The following LDLRAD3 variants were observed in gnomAD, a reference collection of about 807,000 sequenced individuals.
LDLRAD3 encodes the protein low-density lipoprotein receptor class A domain-containing protein 3.
In LDLRAD3, 20 loss-of-function variants were observed where a neutral mutation model predicts 29.4. That is an observed-to-expected ratio of 0.68 (90% CI 0.48 to 0.99). The LOEUF is 0.99. Among genes scored for constraint, LDLRAD3 ranks in the 50% least tolerant of loss-of-function variants. The probability of loss-of-function intolerance (pLI) is 0.00; values close to 1 mark genes in which losing one functional copy is unlikely to be tolerated. For synonymous variants in LDLRAD3, 157 were observed against 192.7 expected, an observed-to-expected ratio of 0.81 and a Z score of 1.53; for missense variants, 420 against 454.3, an observed-to-expected ratio of 0.92 and a Z score of 0.69.
chr11:35,998,078 C>T (rs1401256163), intron 1 of LDLRAD3, among the ~76,000 whole-genome samples: 1 of 152,178 alleles, frequency 6.6e-6, no homozygotes, highest in Non-Finnish European at 1.5e-5. Context: ...GTGCTTGCAC[C>T]ACCTGTTAAC....
At chr11:36,208,209 C>T (rs998413683) in intron 4 of LDLRAD3, among the ~76,000 whole-genome samples, 4 of 152,272 alleles carry the variant, frequency 2.6e-5, no homozygotes, top group African/African-American at 4.8e-5. Flanking sequence ...AAGTGTTCCC[C>T]GTGGCCAAAG....
chr11:36,096,007 C>T (rs575574222), intron 3 of LDLRAD3, among the ~76,000 whole-genome samples: 5 of 152,240 alleles, frequency 3.3e-5, no homozygotes, highest in East Asian at 3.9e-4. Context: ...AGTCAGACCT[C>T]GGTTTCAGCT....
At chr11:36,191,564 C>T (rs1854945311) in intron 4 of LDLRAD3, among the ~76,000 whole-genome samples, 1 of 75,806 alleles carries the variant, frequency 1.3e-5, no homozygotes, top group Admixed American at 1.3e-4. Context: ...CTCTCTCTCT[C>T]TCTCTCTCTC....
chr11:36,081,893 T>G, intron 3 of LDLRAD3, 115 bp downstream of exon 3: 11 of 1,214,488 alleles, frequency 9.1e-6, no homozygotes, highest in African/African-American at 1.5e-5. Context: ...AGGCATTCTC[T>G]TCTGTTACCC....
At chr11:35,994,578 G>A (rs1030112140) in intron 1 of LDLRAD3, among the ~76,000 whole-genome samples, 3 of 152,064 alleles carry the variant, frequency 2.0e-5, no homozygotes, top group African/African-American at 7.2e-5. Flanking sequence ...AGGTTGGGGT[G>A]GCTGTGGCAT....
At chr11:36,168,989 A>C (rs1854556947) in intron 4 of LDLRAD3, among the ~76,000 whole-genome samples, 1 of 152,288 alleles carries the variant, frequency 6.6e-6, no homozygotes, top group South Asian at 2.1e-4. Context: ...GCAGAATGAC[A>C]TATGAGGAAT....
In LDLRAD3 at chr11:36,005,355, C is replaced by T. The variant is rs545369800; in HGVS notation, c.47-30748C>T. On this transcript the variant is annotated intron_variant, in intron 1 of 5. Transcript: ENST00000315571. Reference sequence around the variant, plus strand: ...CATCTCTGTCAAGTTCAAAGTTCCACAGATCTCTAGGGCAGGGGCAGAATG... The same window carrying T: ...CATCTCTGTCAAGTTCAAAGTTCCATAGATCTCTAGGGCAGGGGCAGAATG... Among the ~76,000 whole-genome samples, 6 of 152,356 alleles carry T rather than the reference C, an allele frequency of 3.9e-5. No homozygotes were observed. In the South Asian group the frequency reaches 1.0e-3, roughly 26 times the overall value.
At chr11:36,013,631 A>G (rs749215633) in intron 1 of LDLRAD3, among the ~76,000 whole-genome samples, 7 of 152,202 alleles carry the variant, frequency 4.6e-5, no homozygotes, top group South Asian at 2.1e-4. Context: ...TGCAAAGGAC[A>G]TGAACTCATT....
chr11:36,004,719 C>T (rs528199485), intron 1 of LDLRAD3, among the ~76,000 whole-genome samples: 1 of 152,336 alleles, frequency 6.6e-6, no homozygotes, highest in African/African-American at 2.4e-5. Flanking sequence ...GGGCTCTGCC[C>T]CTGCAGCAGA....
chr11:35,969,086 C>T (rs1315102992), intron 1 of LDLRAD3, among the ~76,000 whole-genome samples: 2 of 152,186 alleles, frequency 1.3e-5, no homozygotes, highest in East Asian at 3.9e-4. Context: ...GGCACTTCCC[C>T]CTCAGGACAC....
At chr11:36,090,198 A>C (rs1444367721) in intron 3 of LDLRAD3, among the ~76,000 whole-genome samples, 1 of 152,194 alleles carries the variant, frequency 6.6e-6, no homozygotes, top group Non-Finnish European at 1.5e-5. Context: ...AGATCATAAG[A>C]AGTTGAGAAT....
At chr11:35,999,927 C>T (rs1355460475) in intron 1 of LDLRAD3, among the ~76,000 whole-genome samples, 3 of 152,156 alleles carry the variant, frequency 2.0e-5, no homozygotes, top group African/African-American at 7.2e-5. Context: ...GAGACATTTA[C>T]AAGGATGCTC....
At chr11:35,974,609 A>C (rs1390866926) in intron 1 of LDLRAD3, among the ~76,000 whole-genome samples, 2 of 152,240 alleles carry the variant, frequency 1.3e-5, no homozygotes. Context: ...ATTTCCTTGC[A>C]GACAGCCAGA....
At chr11:36,224,237 C>T (rs567689539) in intron 4 of LDLRAD3, among the ~76,000 whole-genome samples, 3 of 151,944 alleles carry the variant, frequency 2.0e-5, no homozygotes, top group Non-Finnish European at 4.4e-5. Context: ...CAGGGAGACA[C>T]GGATACTGTT....
At chr11:35,972,221 C>T (rs146584622) in intron 1 of LDLRAD3, among the ~76,000 whole-genome samples, 1,548 of 151,986 alleles carry the variant, frequency 0.01, 12 homozygotes, top group Middle Eastern at 0.065. Context: ...AAGGCACCAC[C>T]GTAGGAGAAT....
At chr11:35,964,055 C>G (rs368902102) in intron 1 of LDLRAD3, among the ~76,000 whole-genome samples, 1 of 152,206 alleles carries the variant, frequency 6.6e-6, no homozygotes, top group African/African-American at 2.4e-5. Context: ...TCCAGGATGG[C>G]GTGGGCTGGG....
At chr11:36,212,483 G>A (rs548224577) in intron 4 of LDLRAD3, among the ~76,000 whole-genome samples, 1 of 151,396 alleles carries the variant, frequency 6.6e-6, no homozygotes, top group Non-Finnish European at 1.5e-5. Context: ...AGTTTTAGTG[G>A]CAATCTGAAT....
chr11:36,229,645 C>G lies in LDLRAD3; in HGVS notation c.*248C>G, dbSNP rs76103857. The stretch of plus-strand genomic sequence containing the variant: ...TCTTCCCTTGGGACCCGAGATCACA[C>G]CCTCATTTTTCACATTATTCTGTTT... On this transcript the variant is annotated 3_prime_UTR_variant, in exon 6 of 6. Transcript: ENST00000315571. 2,383 of 505,156 alleles carry G rather than the reference C, an allele frequency of 4.7e-3. 52 individuals carry two copies. Among genetic ancestry groups the G allele is most frequent in the African/African-American group, 0.041 (2,164 of 52,840 alleles). The allele number at this position is 505,156 out of a possible 1,614,324, so 31.3% of individuals were successfully genotyped here. A position where few individuals can be genotyped will look rare whatever the true frequency, so the allele number is the denominator to read the frequency against.
rs774455357 is a variant in LDLRAD3, at chr11:36,021,563, A to G, written c.47-14540A>G. ...TGGGAGGCCCCCTGGTGACTTTGTG[A>G]AGACAGATTCAGGAGAGAGTGATGG... On this transcript the variant is annotated intron_variant, in intron 1 of 5. Transcript: ENST00000315571. 1.3e-3 allele frequency among the ~76,000 whole-genome samples: 194 copies of G among 152,326 alleles called. 1 individual carries two copies. The highest frequency in any genetic ancestry group is 1.4e-3 in the Non-Finnish European group (94 of 68,028).
Sources: allele counts gnomAD v4.1 joint callset (sites outside exome capture counted in the v4.1 genomes callset), GRCh38; gene constraint gnomAD v4.1.1; transcripts MANE v1.5; gene names NCBI Gene and HGNC (gene_info 2026-07-23, HGNC 2026-07-21).